CDH4: variants seen among roughly 807,000 people sequenced by gnomAD.
CDH4 encodes the protein cadherin 4, also known as cadherin-4.
CDH4 carries 33 observed loss-of-function variants against 86.0 expected under a neutral mutation model. The ratio of observed to expected loss-of-function variants is 0.38; its 90% CI spans 0.29 to 0.51. CDH4 has a LOEUF of 0.51. Ranked by LOEUF, CDH4 falls within the 20% of genes least tolerant of loss-of-function variation. The pLI is 0.86. For missense variants in CDH4, 1,114 were observed against 1,307.4 expected (o/e 0.85, Z 2.28); for synonymous variants, 555 against 549.4 (o/e 1.01, Z -0.14).
At chr20:61,342,664 G>A (rs890807814) in intron 2 of CDH4, among the ~76,000 whole-genome samples, 1 of 152,200 alleles carries the variant, frequency 6.6e-6, no homozygotes, top group African/African-American at 2.4e-5. Context: ...CAGTCCCGGG[G>A]GTTGGGGACC....
intron 2 of CDH4, among the ~76,000 whole-genome samples, chr20:61,590,366 G>T (rs192364051): frequency 0.015 from 2,223 of 152,236 alleles, 46 homozygotes; most frequent in African/African-American, 0.042. Context: ...CCCAGTGGGT[G>T]GGGGCAGCCC....
At chr20:61,499,333 T>C (rs1294644698) in intron 2 of CDH4, 1 of 657,238 alleles carries the variant, frequency 1.5e-6, no homozygotes, top group East Asian at 6.7e-5. Context: ...CCCCTATGCC[T>C]CAGTTTCGCC....
chr20:61,488,372 T>C (rs2085607721), intron 2 of CDH4, among the ~76,000 whole-genome samples: 1 of 152,236 alleles, frequency 6.6e-6, no homozygotes, highest in Admixed American at 6.5e-5. Flanking sequence ...ATTCATTTGT[T>C]CAGCGCCTCT....
In CDH4 at chr20:61,810,666, G is replaced by A. The variant is rs1980386844; in HGVS notation, c.577-34002G>A. Among the ~76,000 whole-genome samples, 1 of 152,140 alleles carries A rather than the reference G, an allele frequency of 6.6e-6. No individual in the cohort carries two copies. Among genetic ancestry groups the A allele is most frequent in the South Asian group, 2.1e-4 (1 of 4,830 alleles). ...CCTAACAAGCCAGGAACCACTCCAGGGCTATAAAACATTTAATTTTGGAAA... is the reference window on the plus strand; with the variant it reads ...CCTAACAAGCCAGGAACCACTCCAGAGCTATAAAACATTTAATTTTGGAAA... On this transcript the variant is annotated intron_variant, in intron 4 of 15. Transcript: ENST00000614565. This position sits in a 1 kb window ranked among gnomAD's most constrained non-coding sequence, Gnocchi z 4.3.
chr20:61,477,997 A>G (rs1461811154), intron 2 of CDH4, among the ~76,000 whole-genome samples: 1 of 152,208 alleles, frequency 6.6e-6, no homozygotes, highest in Non-Finnish European at 1.5e-5. Flanking sequence ...ATGAGATGTA[A>G]ATATAACTTC....
chr20:61,793,714 C>G (rs549753789), intron 4 of CDH4, among the ~76,000 whole-genome samples: 3 of 151,970 alleles, frequency 2.0e-5, no homozygotes, highest in South Asian at 4.2e-4. Flanking sequence ...GTGGCAGACA[C>G]CTGTAATCCC....
chr20:61,649,769 G>T lies in CDH4; in HGVS notation c.170-93794G>T, dbSNP rs116250565. On this transcript the variant is annotated intron_variant, in intron 2 of 15. Coordinates refer to ENST00000614565, the MANE Select transcript of CDH4 (RefSeq NM_001794.5). ...GAAGAGCATGGCGGGCCGTGAGCAG[G>T]TCTGTGATCTCTTACTCCCAGGACA... Among the ~76,000 whole-genome samples the T allele has an allele frequency of 2.1e-3, 316 of 152,310 alleles. 1 individual carries two copies. The highest frequency in any genetic ancestry group is 7.0e-3 in the African/African-American group (290 of 41,562).
intron 2 of CDH4, among the ~76,000 whole-genome samples, chr20:61,433,187 T>C (rs2085257914): frequency 6.6e-6 from 1 of 152,168 alleles, no homozygotes; most frequent in African/African-American, 2.4e-5. Flanking sequence ...GAAGGGTCAA[T>C]GTTCTTCTGT....
chr20:61,803,580 C>A (rs927572403), intron 4 of CDH4, among the ~76,000 whole-genome samples: 4 of 152,184 alleles, frequency 2.6e-5, no homozygotes, highest in African/African-American at 9.7e-5. Context: ...GTTCTGCTAC[C>A]GCGGGCGAGC....
rs963251536 is a variant in CDH4, at chr20:61,510,547, A to G, written c.170-233016A>G. 6.6e-6 allele frequency among the ~76,000 whole-genome samples: 1 copy of G among 152,158 alleles called. No homozygotes were observed. Among genetic ancestry groups the G allele is most frequent in the Admixed American group, 6.5e-5 (1 of 15,272 alleles). On this transcript the variant is annotated intron_variant, in intron 2 of 15. Transcript: ENST00000614565. This position sits in a 1 kb window ranked among gnomAD's most constrained non-coding sequence, Gnocchi z 4.2. ...TGCAACCACTGTCTACTGCCCCAGG[A>G]ATGGCCCACGGGTGTCGGGGGTGAT...
At chr20:61,881,983 C>A (rs1003042812) in intron 7 of CDH4, among the ~76,000 whole-genome samples, 1 of 152,218 alleles carries the variant, frequency 6.6e-6, no homozygotes, top group Non-Finnish European at 1.5e-5. Flanking sequence ...AGAGACCAGA[C>A]GATAAGGCTA....
At chr20:61,584,990 G>A (rs1266513735) in intron 2 of CDH4, among the ~76,000 whole-genome samples, 2 of 152,190 alleles carry the variant, frequency 1.3e-5, no homozygotes, top group Admixed American at 6.5e-5. Flanking sequence ...TCCTTCCACC[G>A]CCCCTGCAGG....
chr20:61,875,084 G>T (rs185925332), intron 7 of CDH4, among the ~76,000 whole-genome samples: 273 of 152,304 alleles, frequency 1.8e-3, no homozygotes, highest in African/African-American at 6.2e-3. Context: ...CAAGGAAGTG[G>T]CAGGTCCTCC....
At chr20:61,296,281 G>GTGCA (rs72085276) in intron 2 of CDH4, among the ~76,000 whole-genome samples, 8 of 10,800 alleles carry the variant, frequency 7.4e-4, no homozygotes, top group Non-Finnish European at 2.4e-3. Context: ...GTGTGCGTGG[G>GTGCA]TGCGTGTGTG....
chr20:61,571,408 G>A (rs527634911), intron 2 of CDH4, among the ~76,000 whole-genome samples: 2 of 152,260 alleles, frequency 1.3e-5, no homozygotes, highest in South Asian at 4.1e-4. Flanking sequence ...ATGCCCAGAG[G>A]GTACCTGGGC....
chr20:61,730,426 G>A (rs963777911), intron 2 of CDH4, among the ~76,000 whole-genome samples: 1 of 152,190 alleles, frequency 6.6e-6, no homozygotes, highest in Non-Finnish European at 1.5e-5. Flanking sequence ...TTTCAGATGG[G>A]CGTCTTTCAG....
intron 2 of CDH4, among the ~76,000 whole-genome samples, chr20:61,282,385 G>C (rs1029260665): frequency 3.0e-4 from 45 of 152,232 alleles, no homozygotes; most frequent in African/African-American, 1.0e-3. Context: ...ATTCACCTTT[G>C]GCTCTATCCC....
At chr20:61,537,973 C>T (rs1402189716) in intron 2 of CDH4, among the ~76,000 whole-genome samples, 6 of 152,298 alleles carry the variant, frequency 3.9e-5, no homozygotes, top group South Asian at 2.1e-4. Flanking sequence ...CAGGCCAACC[C>T]GGCCACATTG....
intron 2 of CDH4, among the ~76,000 whole-genome samples, chr20:61,563,812 G>A (rs898568906): frequency 2.6e-5 from 4 of 152,180 alleles, no homozygotes; most frequent in African/African-American, 7.2e-5. Flanking sequence ...GGCATAGGGT[G>A]CGTTATATTC....
Sources: gnomAD v4.1 joint callset for allele counts (sites outside exome capture counted in the v4.1 genomes callset) on GRCh38, gnomAD v4.1.1 for gene constraint, Gnocchi (gnomAD v3.1) non-coding constraint, MANE v1.5 for transcripts, NCBI Gene and HGNC (gene_info 2026-07-23, HGNC 2026-07-21) for gene names.